MAP3K6: variants seen among roughly 807,000 people sequenced by gnomAD.
The protein encoded by MAP3K6 is apoptosis signal-regulating kinase 2.
Under a neutral mutation model 147.1 loss-of-function variants are expected in MAP3K6, and 105 were observed. That is an observed-to-expected ratio of 0.71 (90% CI 0.61 to 0.84). The LOEUF (loss-of-function observed/expected upper bound fraction) is 0.84, where lower values mean the gene tolerates loss of function less well. Among genes scored for constraint, MAP3K6 ranks in the 40% least tolerant of loss-of-function variants. The pLI is 0.00. For missense variants in MAP3K6, 1,569 were observed against 1,715.0 expected (o/e 0.91, Z 1.50); for synonymous variants, 695 against 732.4 (o/e 0.95, Z 0.82).
Position 27,364,702 on chromosome 1 carries a change from TCAGATA to T in MAP3K6, c.481-24_481-19del. 6.2e-7 allele frequency: 1 copy of T among 1,614,060 alleles called. No homozygotes were observed. The highest frequency in any genetic ancestry group is 8.5e-7 in the Non-Finnish European group (1 of 1,179,998). ...ACATCCTCCTGCAGGAGGCAGACAG[TCAGATA>T]CTGGTGTTCTGTGTAGGCCTTACCC... On this transcript the variant is annotated intron_variant, in intron 2 of 28. Transcript: ENST00000357582. The surrounding 1 kb of genome is among the most constrained non-coding windows in gnomAD (Gnocchi z 4.4).
At position 27,358,226 on chromosome 1, in the gene MAP3K6, C is replaced by T; in HGVS notation, c.2870G>A (p.Ser957Asn). ...ATAACTGAGGCAGCGCTTCGGGGGGCTGGGTGGGTGCTGAGAGGGTGCCTG... is the reference window on the plus strand; with the variant it reads ...ATAACTGAGGCAGCGCTTCGGGGGGTTGGGTGGGTGCTGAGAGGGTGCCTG... Reference protein sequence around the residue: ...CPQAPSQHPPSPPKRCLSYGG... With the variant: ...CPQAPSQHPPNPPKRCLSYGG... Residue 957 changes from serine to asparagine, a missense_variant, in exon 21 of 29, where the codon AGC becomes AAC. Physicochemically the swap from Ser to Asn is conservative, Grantham distance 46. Transcript: ENST00000357582. This position sits in a 1 kb window ranked among gnomAD's most constrained non-coding sequence, Gnocchi z 6.2. 6.3e-7 allele frequency: 1 copy of T among 1,597,950 alleles called. No individual in the cohort carries two copies. Among genetic ancestry groups the T allele is most frequent in the Non-Finnish European group, 8.5e-7 (1 of 1,175,634 alleles).
At chr1:27,355,803 T>A in intron 27 of MAP3K6, 58 bp from the exon 28 acceptor site, 1 of 1,525,446 alleles carries the variant, frequency 6.6e-7, no homozygotes. Context: ...GAAAGATGTG[T>A]CGAGACCCAG....
In MAP3K6 at chr1:27,359,743, C is replaced by G. The variant is rs1175995701; in HGVS notation, c.2319+115G>C. On this transcript the variant is annotated intron_variant, in intron 17 of 28. Transcript: ENST00000357582. This position sits in a 1 kb window ranked among gnomAD's most constrained non-coding sequence, Gnocchi z 4.4. ...TCTAAGGAGCCTCCCTGATGAATTC[C>G]CTACCCTTTGCAACAGGTCTGCTCA... 3 of 1,500,958 alleles carry G rather than the reference C, an allele frequency of 2.0e-6. No individual in the cohort carries two copies. Among genetic ancestry groups the G allele is most frequent in the Non-Finnish European group, 2.7e-6 (3 of 1,101,804 alleles). 93.0% of individuals were successfully genotyped at this position (1,500,958 alleles called of 1,614,324 possible).
Position 27,355,210 on chromosome 1 carries a change from T to A in MAP3K6, c.*181A>T. On this transcript the variant is annotated 3_prime_UTR_variant, in exon 29 of 29. Coordinates refer to ENST00000357582, the MANE Select transcript of MAP3K6 (RefSeq NM_004672.5). ...TCAAAAGTGTTCTGTTTAATACGCT[T>A]TGTCTGGTAGTGCTTGGGTGCCTGT... The A allele has an allele frequency of 1.4e-6, 1 of 701,500 alleles. No homozygotes were observed. The highest frequency in any genetic ancestry group is 2.6e-6 in the Non-Finnish European group (1 of 380,326). 43.5% of individuals were successfully genotyped at this position (701,500 alleles called of 1,614,324 possible). A position where few individuals can be genotyped will look rare whatever the true frequency, so the allele number is the denominator to read the frequency against.
Position 27,366,274 on chromosome 1 carries a change from A to T in MAP3K6, c.324T>A (p.Asp108Glu). 1 of 1,337,928 alleles carries T rather than the reference A, an allele frequency of 7.5e-7. No homozygotes were observed. The highest frequency in any genetic ancestry group is 9.6e-7 in the Non-Finnish European group (1 of 1,045,594). The allele number at this position is 1,337,928 out of a possible 1,614,324, so 82.9% of individuals were successfully genotyped here. The change falls in exon 1 of 29, where the codon GAT becomes GAA. Residue 108 changes from aspartate to glutamate, a missense_variant. Transcript: ENST00000357582. This position sits in a 1 kb window ranked among gnomAD's most constrained non-coding sequence, Gnocchi z 5.5. Reference sequence around the variant, plus strand: ...CGCTCTCACCCGCGTTGTAGAAGGCATCCAGAGCCGCGGTGTCGCCTAGCT... The same window carrying T: ...CGCTCTCACCCGCGTTGTAGAAGGCTTCCAGAGCCGCGGTGTCGCCTAGCT... ...TLELGDTAAL[D>E]AFYNADVVVL... is the part of the protein sequence containing the mutation.
rs145931034 is a variant in MAP3K6, at chr1:27,361,280, CG to C, written c.1737-29del. ...GGGAAGGGATGAAGAACCCAGTAAG[CG>C]TCAGGCTGGGTGGCAGCGACCCTCA... is the stretch of plus-strand genomic sequence containing the variant. On this transcript the variant is annotated intron_variant, in intron 12 of 28. Coordinates refer to ENST00000357582, the MANE Select transcript of MAP3K6 (RefSeq NM_004672.5). The C allele has an allele frequency of 2.0e-3, 3,226 of 1,613,120 alleles. 45 individuals carry two copies. In the African/African-American group the frequency reaches 0.035, roughly 17 times the overall value.
Position 27,360,992 on chromosome 1 carries a change from G to T in MAP3K6, c.1849C>A (p.Gln617Lys). 1 of 1,599,366 alleles carries T rather than the reference G, an allele frequency of 6.3e-7. No individual in the cohort carries two copies. Residue 617 changes from glutamine to lysine, a missense_variant, in exon 14 of 29, where the codon CAG becomes AAG. Physicochemically the swap from Gln to Lys is moderately conservative, Grantham distance 53. Transcript: ENST00000357582. This position sits in a 1 kb window ranked among gnomAD's most constrained non-coding sequence, Gnocchi z 4.5. ...GHCQWFCGLI[Q>K]AWVTNPDSTA... ...GAATCCGGGTTCGTCACCCAGGCCT[G>T]GATCAGGCCGCAGAACCTGAAGGTG...
Position 27,355,372 on chromosome 1 carries a change from T to C in MAP3K6, c.*19A>G, listed in dbSNP as rs753589818. 5.6e-6 allele frequency: 9 copies of C among 1,609,308 alleles called. No homozygotes were observed. The East Asian group carries it at 2.0e-4, about 36-fold the overall frequency. ...TCCATCCTTGGGCCTGTCTGGCCTA[T>C]GATGCCCTCATTCAGCTCTCAGGGT... On this transcript the variant is annotated 3_prime_UTR_variant, in exon 29 of 29. Transcript: ENST00000357582.
At position 27,356,664 on chromosome 1, in the gene MAP3K6, C is replaced by T. The variant is rs755723035; in HGVS notation, c.3450G>A (p.Pro1150=). 6 of 1,611,720 alleles carry T rather than the reference C, an allele frequency of 3.7e-6. No individual in the cohort carries two copies. Among genetic ancestry groups the T allele is most frequent in the East Asian group, 2.2e-5 (1 of 44,860 alleles). Residue 1150 remains proline, a synonymous_variant, in exon 25 of 29, where the codon CCG becomes CCA. Transcript: ENST00000357582. The part of the protein sequence containing the change: ...DSQQSPGQQS[P]LPVEPEQGPA... ...GGCCCTGCTCGGGCTCCACCGGAAG[C>T]GGGCTCTGCTGGCCTGGGCTCTGCT...
rs2015843954 is a variant in MAP3K6, at chr1:27,363,083, C to G, written c.972-62G>C. ...CCTGGCCTACTCTGTCCAGGGACCTCTAGACACTGAACCAGCAGGGACCCT... is the reference window on the plus strand; with the variant it reads ...CCTGGCCTACTCTGTCCAGGGACCTGTAGACACTGAACCAGCAGGGACCCT... On this transcript the variant is annotated intron_variant, in intron 6 of 28. Coordinates refer to ENST00000357582, the MANE Select transcript of MAP3K6 (RefSeq NM_004672.5). 4 of 1,473,538 alleles carry G rather than the reference C, an allele frequency of 2.7e-6. No homozygotes were observed. In the South Asian group the frequency reaches 3.8e-5, roughly 14 times the overall value. The allele number at this position is 1,473,538 out of a possible 1,614,324, so 91.3% of individuals were successfully genotyped here. A position where few individuals can be genotyped will look rare whatever the true frequency, so the allele number is the denominator to read the frequency against.
chr1:27,357,268 G>GT (rs1557555467), intron 23 of MAP3K6, 132 bp downstream of exon 23: 2 of 1,366,842 alleles, frequency 1.5e-6, no homozygotes, highest in South Asian at 1.4e-5. Context: ...TGGGCAGACG[G>GT]TTTTTTGCTG....
Position 27,359,401 on chromosome 1 carries a change from C to A in MAP3K6, c.2425+16G>T, listed in dbSNP as rs1436747461. The A allele has an allele frequency of 1.2e-6, 2 of 1,614,070 alleles. No individual in the cohort carries two copies. Among genetic ancestry groups the A allele is most frequent in the Non-Finnish European group, 8.5e-7 (1 of 1,179,972 alleles). On this transcript the variant is annotated intron_variant, in intron 18 of 28. Coordinates refer to ENST00000357582, the MANE Select transcript of MAP3K6 (RefSeq NM_004672.5). This position sits in a 1 kb window ranked among gnomAD's most constrained non-coding sequence, Gnocchi z 4.4. ...CCAGGTCAGCATCCCCACTCACCAC[C>A]CCCACACCTTGTTACCTGTGAAGGT...
Position 27,359,898 on chromosome 1 carries a change from C to T in MAP3K6, c.2279G>A (p.Gly760Asp), listed in dbSNP as rs2015680460. 1 of 1,614,034 alleles carries T rather than the reference C, an allele frequency of 6.2e-7. No individual in the cohort carries two copies. Among genetic ancestry groups the T allele is most frequent in the African/African-American group, 1.3e-5 (1 of 74,916 alleles). ...FYTRQILQGL[G>D]YLHDNHIVHR... ...CACGATGTGGTTGTCGTGCAAGTAG[C>T]CAAGTCCCTGCAGGATCTGGCGGGT... The change falls in exon 17 of 29, where the codon GGC becomes GAC. Residue 760 changes from glycine (G) to aspartate (D), a missense_variant. Transcript: ENST00000357582. The surrounding 1 kb of genome is among the most constrained non-coding windows in gnomAD (Gnocchi z 4.4).
In MAP3K6 at chr1:27,364,158, C is replaced by T; in HGVS notation, c.695+46G>A. On this transcript the variant is annotated intron_variant, in intron 4 of 28. Transcript: ENST00000357582. The surrounding 1 kb of genome is among the most constrained non-coding windows in gnomAD (Gnocchi z 4.4). ...TACCTCAGCCCCAGCCCACCATACCCTCACCAGCCCCCTCCTGGAGCACCC... is the reference window on the plus strand; with the variant it reads ...TACCTCAGCCCCAGCCCACCATACCTTCACCAGCCCCCTCCTGGAGCACCC... 4 of 1,599,630 alleles carry T rather than the reference C, an allele frequency of 2.5e-6. No homozygotes were observed. Among genetic ancestry groups the T allele is most frequent in the Non-Finnish European group, 3.4e-6 (4 of 1,173,062 alleles).
At chr1:27,357,206 G>A in intron 23 of MAP3K6, 92 bp from the exon 24 acceptor site, 1 of 1,337,990 alleles carries the variant, frequency 7.5e-7, no homozygotes, top group Non-Finnish European at 1.1e-6. Context: ...TCGGCGGGAG[G>A]CGAGTGGGGT....
rs770407413 is a variant in MAP3K6, at chr1:27,358,687, G to A, written c.2583+22C>T. The stretch of plus-strand genomic sequence containing the variant: ...GGCTGGCCCTATGCCACTTCCATGG[G>A]CCAGGCCCAAAGAGGTCTCACCTGA... On this transcript the variant is annotated intron_variant, in intron 19 of 28. Transcript: ENST00000357582. This position sits in a 1 kb window ranked among gnomAD's most constrained non-coding sequence, Gnocchi z 6.2. The A allele has an allele frequency of 4.3e-6, 7 of 1,613,458 alleles. No homozygotes were observed. Among genetic ancestry groups the A allele is most frequent in the Admixed American group, 1.7e-5 (1 of 59,986 alleles).
In MAP3K6 at chr1:27,355,385, C is replaced by T. The variant is rs1450558439; in HGVS notation, c.*6G>A. On this transcript the variant is annotated 3_prime_UTR_variant, in exon 29 of 29. Coordinates refer to ENST00000357582, the MANE Select transcript of MAP3K6 (RefSeq NM_004672.5). ...CTGTCTGGCCTATGATGCCCTCATT[C>T]AGCTCTCAGGGTCCAGAGGTGACTG... 6.2e-7 allele frequency: 1 copy of T among 1,613,756 alleles called. No homozygotes were observed. The highest frequency in any genetic ancestry group is 1.7e-5 in the Admixed American group (1 of 60,028).
chr1:27,366,091 C>A lies in MAP3K6; in HGVS notation c.340+167G>T, dbSNP rs535188645. On this transcript the variant is annotated intron_variant, in intron 1 of 28. Transcript: ENST00000357582. The surrounding 1 kb of genome is among the most constrained non-coding windows in gnomAD (Gnocchi z 5.5). ...CGGCCGCGCCCCAGATCCCCTAAATCCCACTTTTTTCACGGCCCTGTCCCA... is the reference window on the plus strand; with the variant it reads ...CGGCCGCGCCCCAGATCCCCTAAATACCACTTTTTTCACGGCCCTGTCCCA... 6.6e-6 allele frequency among the ~76,000 whole-genome samples: 1 copy of A among 152,226 alleles called. No individual in the cohort carries two copies. Among genetic ancestry groups the A allele is most frequent in the Admixed American group, 6.5e-5 (1 of 15,298 alleles).
Position 27,364,431 on chromosome 1 carries a change from G to A in MAP3K6, c.505-37C>T, listed in dbSNP as rs776957853. The A allele has an allele frequency of 1.2e-6, 2 of 1,609,408 alleles. No individual in the cohort carries two copies. Among genetic ancestry groups the A allele is most frequent in the East Asian group, 4.5e-5 (2 of 44,850 alleles). On this transcript the variant is annotated intron_variant, in intron 3 of 28. Transcript: ENST00000357582. The surrounding 1 kb of genome is among the most constrained non-coding windows in gnomAD (Gnocchi z 4.4). ...GAGGCAGGAATCAGTGAGGTCAGAG[G>A]TCAGCACAGGGCTAGACAAGGGGAG...
Sources: gnomAD v4.1 joint callset for allele counts (sites outside exome capture counted in the v4.1 genomes callset) on GRCh38, gnomAD v4.1.1 for gene constraint, Gnocchi (gnomAD v3.1) non-coding constraint, MANE v1.5 for transcripts, NCBI Gene and HGNC (gene_info 2026-07-23, HGNC 2026-07-21) for gene names.